TVP23B: variants seen among roughly 807,000 people sequenced by gnomAD.
TVP23B encodes trans-golgi network vesicle protein 23 homolog B.
A neutral mutation model predicts 30.6 loss-of-function variants in TVP23B; 10 were observed. That is an observed-to-expected ratio of 0.33 (90% CI 0.20 to 0.55). The LOEUF (loss-of-function observed/expected upper bound fraction) is 0.55. TVP23B is among the 20% of genes least tolerant of loss of function. The pLI is 0.91. For missense variants in TVP23B, 153 were observed against 243.2 expected, an observed-to-expected ratio of 0.63 and a Z score of 2.47; for synonymous variants, 67 against 83.1, an observed-to-expected ratio of 0.81 and a Z score of 1.06.
intron 1 of TVP23B, among the ~76,000 whole-genome samples, chr17:18,785,068 G>T (rs113514926): frequency 6.6e-6 from 1 of 151,918 alleles, no homozygotes; most frequent in African/African-American, 2.4e-5. Context: ...TTACTTCTTG[G>T]CCTCGTGATT....
chr17:18,791,066 A>G lies in TVP23B; in HGVS notation c.240+26A>G, dbSNP rs544233866. ...GTAATTTTGATTGTTTTTATTTTAA[A>G]ATTATATTTAATATGAAAATGATGT... On this transcript the variant is annotated intron_variant, in intron 3 of 6. Transcript: ENST00000307767. 3.3e-5 allele frequency: 51 copies of G among 1,550,090 alleles called. No individual in the cohort carries two copies. In the East Asian group the frequency reaches 9.7e-4, roughly 30 times the overall value.
chr17:18,793,148 G>C lies in TVP23B; in HGVS notation c.240+2108G>C, dbSNP rs927898833. 4.6e-5 allele frequency among the ~76,000 whole-genome samples: 7 copies of C among 152,094 alleles called. No individual in the cohort carries two copies. In the South Asian group the frequency reaches 1.4e-3, roughly 32 times the overall value. Reference sequence around the variant, plus strand: ...GGCAGCATGAGGCCTGTGGGCAGAGGGTTGGATAGGCTTGCCCTAGGTGAT... The same window carrying C: ...GGCAGCATGAGGCCTGTGGGCAGAGCGTTGGATAGGCTTGCCCTAGGTGAT... On this transcript the variant is annotated intron_variant, in intron 3 of 6. Transcript: ENST00000307767.
In TVP23B at chr17:18,788,432, C is replaced by CT. The variant is rs563412170; in HGVS notation, c.13-914dup. ...TCAGGATCAGGGTTCTTAAAAAAAT[C>CT]TTTTTTTGCCTAATAAGTGGCCTTG... is the stretch of plus-strand genomic sequence containing the variant. On this transcript the variant is annotated intron_variant, in intron 1 of 6. Transcript: ENST00000307767. Among the ~76,000 whole-genome samples, 12 of 145,986 alleles carry CT rather than the reference C, an allele frequency of 8.2e-5. No homozygotes were observed. The South Asian group carries it at 2.4e-3, about 29-fold the overall frequency.
chr17:18,798,175 A>G (rs1299702711), intron 4 of TVP23B, among the ~76,000 whole-genome samples: 4 of 152,166 alleles, frequency 2.6e-5, no homozygotes, highest in African/African-American at 7.2e-5. Flanking sequence ...CTGCTACACT[A>G]TAGTGAATAT....
At chr17:18,804,442 G>T (rs1597625369) in intron 6 of TVP23B, 176 bp downstream of exon 6, 1 of 1,265,508 alleles carries the variant, frequency 7.9e-7, no homozygotes, top group Non-Finnish European at 1.0e-6. Context: ...GAAGTGTATT[G>T]TCAGTATCCT....
chr17:18,802,185 G>A (rs565117991), intron 5 of TVP23B, among the ~76,000 whole-genome samples: 15 of 152,202 alleles, frequency 9.9e-5, no homozygotes, highest in Middle Eastern at 3.4e-3. Context: ...TCGTGCCACC[G>A]CACTCCAGCC....
At chr17:18,804,410 T>C in intron 6 of TVP23B, 144 bp downstream of exon 6, 3 of 1,363,942 alleles carry the variant, frequency 2.2e-6, no homozygotes, top group South Asian at 3.1e-5. Flanking sequence ...AATTGCTCTT[T>C]GGGGGTGTTC....
intron 1 of TVP23B, among the ~76,000 whole-genome samples, chr17:18,787,258 A>G (rs2035921476): frequency 6.6e-6 from 1 of 152,032 alleles, no homozygotes; most frequent in Non-Finnish European, 1.5e-5. Flanking sequence ...AGCCAGGCTA[A>G]TTAGCCGAGA....
intron 1 of TVP23B, among the ~76,000 whole-genome samples, chr17:18,784,678 C>T (rs1489946906): frequency 6.6e-6 from 1 of 152,144 alleles, no homozygotes; most frequent in Non-Finnish European, 1.5e-5. Flanking sequence ...ACAGTGGTCT[C>T]TCTTTGGTTT....
At chr17:18,781,681 C>T in intron 1 of TVP23B, 1 of 308,912 alleles carries the variant, frequency 3.2e-6, no homozygotes, top group Non-Finnish European at 6.0e-6. Context: ...GAATCGGCGA[C>T]ACCGCCAGAG....
chr17:18,781,285 A>G lies in TVP23B; in HGVS notation c.-9A>G. On this transcript the variant is annotated 5_prime_UTR_variant, in exon 1 of 7. Coordinates refer to ENST00000307767, the MANE Select transcript of TVP23B (RefSeq NM_016078.6). ...TGGCTCCCGGAAGTAGGGCTGGCGTAGGGCCGCCATGTTGCAGCAGGTGAG... is the reference window on the plus strand; with the variant it reads ...TGGCTCCCGGAAGTAGGGCTGGCGTGGGGCCGCCATGTTGCAGCAGGTGAG... 1 of 1,572,736 alleles carries G rather than the reference A, an allele frequency of 6.4e-7. No individual in the cohort carries two copies. Among genetic ancestry groups the G allele is most frequent in the South Asian group, 1.2e-5 (1 of 85,804 alleles).
intron 6 of TVP23B, among the ~76,000 whole-genome samples, chr17:18,804,896 GT>G (rs746624503): frequency 6.1e-4 from 92 of 151,402 alleles, no homozygotes; most frequent in Non-Finnish European, 1.1e-3. Context: ...CCTGTATGTT[GT>G]ATGGTTTTAG....
At chr17:18,783,099 T>TTATTTATTTATTTATC (rs2035834717) in intron 1 of TVP23B, among the ~76,000 whole-genome samples, 1 of 120,930 alleles carries the variant, frequency 8.3e-6, no homozygotes, top group Non-Finnish European at 1.8e-5. Context: ...ATTGATTGAT[T>TTATTTATTTATTTATC]GATTGATTCA....
intron 1 of TVP23B, among the ~76,000 whole-genome samples, chr17:18,786,644 C>CTTTT (rs1567631608): frequency 6.6e-6 from 1 of 151,782 alleles, no homozygotes; most frequent in Non-Finnish European, 1.5e-5. Context: ...AAGTATCAGC[C>CTTTT]TTTTTTTGTT....
rs748044673 is a variant in TVP23B, at chr17:18,789,392, G to A, written c.52G>A (p.Ala18Thr). The change falls in exon 2 of 7, where the codon GCG becomes ACG. Residue 18 changes from alanine to threonine, a missense_variant. Ala to Thr is a moderately conservative substitution (Grantham distance 58, BLOSUM62 0). Transcript: ENST00000307767. ...DDTEDVSLFDAEEETTNRPRK... is the reference protein window; with the variant it reads ...DDTEDVSLFDTEEETTNRPRK... ...CACTGAAGATGTTTCACTGTTTGATGCGGAAGAGGAGACGACTAATAGACC... is the reference window on the plus strand; with the variant it reads ...CACTGAAGATGTTTCACTGTTTGATACGGAAGAGGAGACGACTAATAGACC... The A allele has an allele frequency of 6.2e-7, 1 of 1,613,960 alleles. No individual in the cohort carries two copies. The highest frequency in any genetic ancestry group is 1.7e-5 in the Admixed American group (1 of 60,014).
Position 18,790,942 on chromosome 17 carries a change from A to G in TVP23B, c.142A>G (p.Ile48Val), listed in dbSNP as rs758025427. ...FFHLFFRVSAIIVYLLCGLLS... is the reference protein window; with the variant it reads ...FFHLFFRVSAVIVYLLCGLLS... ...CCACTTATTCTTTCGAGTCAGTGCA[A>G]TCATCGTCTATCTTCTCTGTGGGTT... is the stretch of plus-strand genomic sequence containing the variant. The change falls in exon 3 of 7, where the codon ATC (isoleucine) becomes GTC (valine). Residue 48 changes from isoleucine (I) to valine (V), a missense_variant. By Grantham distance (29) the Ile-to-Val change is conservative (BLOSUM62 3). Around this residue, in one of 3 missense-constraint regions of TVP23B, gnomAD observed 53 missense variants for 128.0 expected, o/e 0.41. Coordinates refer to ENST00000307767, the MANE Select transcript of TVP23B (RefSeq NM_016078.6). The G allele has an allele frequency of 2.3e-5, 37 of 1,612,978 alleles. No homozygotes were observed. The East Asian group carries it at 3.3e-4, about 15-fold the overall frequency.
chr17:18,804,787 A>G (rs1236747321), intron 6 of TVP23B, among the ~76,000 whole-genome samples: 1 of 152,016 alleles, frequency 6.6e-6, no homozygotes, highest in Non-Finnish European at 1.5e-5. Flanking sequence ...ATGGGATTTC[A>G]TCGTGTTAGC....
Position 18,806,256 on chromosome 17 carries a change from A to G in TVP23B, c.*689A>G, listed in dbSNP as rs2151854182. The G allele has an allele frequency of 1.0e-6, 1 of 968,552 alleles. No individual in the cohort carries two copies. Among genetic ancestry groups the G allele is most frequent in the South Asian group, 4.8e-5 (1 of 20,966 alleles). The allele number at this position is 968,552 out of a possible 1,614,324, so 60.0% of individuals were successfully genotyped here. A position where few individuals can be genotyped will look rare whatever the true frequency, so the allele number is the denominator to read the frequency against. On this transcript the variant is annotated 3_prime_UTR_variant, in exon 7 of 7. Coordinates refer to ENST00000307767, the MANE Select transcript of TVP23B (RefSeq NM_016078.6). ...AGATTGCTGCTGTTCTATTTATTTT[A>G]CAGAAAGGATAGCTAGATTGAAAGC...
At chr17:18,781,526 T>C (rs1597611077) in intron 1 of TVP23B, 1 of 734,340 alleles carries the variant, frequency 1.4e-6, no homozygotes, top group Non-Finnish European at 2.1e-6. Flanking sequence ...CAAGTACTTC[T>C]TGCGGCTGTG....
Sources: allele counts gnomAD v4.1 joint callset (sites outside exome capture counted in the v4.1 genomes callset), GRCh38; gene constraint gnomAD v4.1.1; regional missense constraint gnomAD v4.1.1; transcripts MANE v1.5; gene names NCBI Gene and HGNC (gene_info 2026-07-23, HGNC 2026-07-21).